The following PCDHA12 variants were observed in gnomAD, a reference collection of about 807,000 sequenced individuals.
PCDHA12 encodes the protein protocadherin alpha-12.
In PCDHA12, 44 loss-of-function variants were observed where a neutral mutation model predicts 60.0. The observed-to-expected ratio is 0.73, with a 90% CI of 0.58 to 0.94. PCDHA12 has a LOEUF of 0.94. PCDHA12 is among the 40% of genes least tolerant of loss of function. The pLI, the probability that PCDHA12 is intolerant of heterozygous loss-of-function variation, is 0.00. For missense variants in PCDHA12, 1,276 were observed against 1,239.7 expected (o/e 1.03, Z -0.44); for synonymous variants, 569 against 553.0 (o/e 1.03, Z -0.40).
rs17844361 is a variant in PCDHA12, at chr5:140,927,747, C to T, written c.2367+49908C>T. ...AAGCAGAGCTGCGACACCGCTTTCA[C>T]GTGCACCCTAAAAGTGGGGAGGTGC... On this transcript the variant is annotated intron_variant, in intron 1 of 3. Coordinates refer to ENST00000398631, the MANE Select transcript of PCDHA12 (RefSeq NM_018903.4). 465 of 1,614,224 alleles carry T rather than the reference C, an allele frequency of 2.9e-4. No homozygotes were observed. In the East Asian group the frequency reaches 8.6e-3, roughly 30 times the overall value.
At chr5:140,937,228 G>A (rs920892612) in intron 1 of PCDHA12, among the ~76,000 whole-genome samples, 1 of 151,718 alleles carries the variant, frequency 6.6e-6, no homozygotes, top group Admixed American at 6.6e-5. Context: ...TTGTAGAGAC[G>A]GGGTTTCACC....
In PCDHA12 at chr5:140,966,814, C is replaced by G. The variant is rs782787958; in HGVS notation, c.2368-12135C>G. 4.5e-6 allele frequency: 7 copies of G among 1,552,328 alleles called. No individual in the cohort carries two copies. The East Asian group carries it at 1.2e-4, about 27-fold the overall frequency. On this transcript the variant is annotated intron_variant, in intron 1 of 3. Coordinates refer to ENST00000398631, the MANE Select transcript of PCDHA12 (RefSeq NM_018903.4). The stretch of plus-strand genomic sequence containing the variant: ...CTGCGGCGACAGAGCATCCACGGCT[C>G]CGGCGGCCCATGCCCTGGCTGCTGC...
chr5:140,924,766 G>A (rs543178519), intron 1 of PCDHA12, among the ~76,000 whole-genome samples: 1 of 151,878 alleles, frequency 6.6e-6, no homozygotes, highest in East Asian at 1.9e-4. Context: ...ATGGTGGTGC[G>A]CGCTTGTAGT....
At chr5:140,995,946 C>A (rs2097705145) in intron 3 of PCDHA12, among the ~76,000 whole-genome samples, 1 of 152,192 alleles carries the variant, frequency 6.6e-6, no homozygotes, top group South Asian at 2.1e-4. Flanking sequence ...TGACATAATG[C>A]ACGCAAAATG....
rs1554262229 is a variant in PCDHA12, at chr5:141,009,613, G to A, written c.2516-14G>A. ...GTTGACCCTGTTAATGATTTGTAATGTTTTGTCTTTCAGAACCAGAGGCAG... is the reference window on the plus strand; with the variant it reads ...GTTGACCCTGTTAATGATTTGTAATATTTTGTCTTTCAGAACCAGAGGCAG... On this transcript the variant is annotated splice_polypyrimidine_tract_variant and intron_variant, in intron 3 of 3. Coordinates refer to ENST00000398631, the MANE Select transcript of PCDHA12 (RefSeq NM_018903.4). The A allele has an allele frequency of 6.2e-7, 1 of 1,611,932 alleles. No individual in the cohort carries two copies. Among genetic ancestry groups the A allele is most frequent in the Non-Finnish European group, 8.5e-7 (1 of 1,178,618 alleles).
At chr5:140,926,788 G>A in intron 1 of PCDHA12, 26 of 1,427,398 alleles carry the variant, frequency 1.8e-5, no homozygotes, top group Non-Finnish European at 2.4e-5. Flanking sequence ...ACGGCCGGCA[G>A]GAGCGTGCTC....
chr5:140,961,638 A>G (rs1428621389), intron 1 of PCDHA12, among the ~76,000 whole-genome samples: 1 of 152,200 alleles, frequency 6.6e-6, no homozygotes, highest in Non-Finnish European at 1.5e-5. Flanking sequence ...AACAATCTTA[A>G]GTCTATGTGG....
intron 1 of PCDHA12, chr5:140,883,099 A>C: frequency 6.2e-7 from 1 of 1,614,150 alleles, no homozygotes. Flanking sequence ...ATGGAGATAT[A>C]GTTTACTCAT....
chr5:140,929,589 G>T lies in PCDHA12; in HGVS notation c.2368-49360G>T, dbSNP rs183312863. 667 of 427,178 alleles carry T rather than the reference G, an allele frequency of 1.6e-3. 2 individuals are homozygous for T. The highest frequency in any genetic ancestry group is 3.3e-3 in the Admixed American group (76 of 23,230). The allele number at this position is 427,178 out of a possible 1,614,324, so 26.5% of individuals were successfully genotyped here. A position where few individuals can be genotyped will look rare whatever the true frequency, so the allele number is the denominator to read the frequency against. On this transcript the variant is annotated intron_variant, in intron 1 of 3. Coordinates refer to ENST00000398631, the MANE Select transcript of PCDHA12 (RefSeq NM_018903.4). ...AACAATAAAAGTAATATGACATAAA[G>T]GTCTAAAATTAAAAATAAAATACCA...
intron 1 of PCDHA12, chr5:140,966,646 G>T (rs2096032297): frequency 4.4e-6 from 5 of 1,139,570 alleles, no homozygotes; most frequent in Non-Finnish European, 4.6e-6. Flanking sequence ...TTTCTAGAGC[G>T]TGAGCGGTGG....
chr5:140,896,635 C>T (rs539969970), intron 1 of PCDHA12, among the ~76,000 whole-genome samples: 4 of 152,178 alleles, frequency 2.6e-5, no homozygotes, highest in South Asian at 4.1e-4. Context: ...CCTTGGCCTC[C>T]CAAAGTGCTA....
At chr5:140,970,247 C>T (rs551216649) in intron 1 of PCDHA12, among the ~76,000 whole-genome samples, 1 of 152,290 alleles carries the variant, frequency 6.6e-6, no homozygotes, top group East Asian at 1.9e-4. Context: ...TTTCTGTTGA[C>T]AGTTTCTATG....
At chr5:140,976,316 C>T (rs1336395893) in intron 1 of PCDHA12, among the ~76,000 whole-genome samples, 17 of 152,002 alleles carry the variant, frequency 1.1e-4, no homozygotes, top group Admixed American at 1.0e-3. Context: ...TTTGGGAGGC[C>T]GAGGAGGGTG....
In PCDHA12 at chr5:140,945,883, GAA is replaced by G. The variant is rs2093856247; in HGVS notation, c.2368-33063_2368-33062del. On this transcript the variant is annotated intron_variant, in intron 1 of 3. Transcript: ENST00000398631. ...GACCTGAAATTGTAAAACTAACAAA[GAA>G]AACACAGTGGGAAAGATGAAAGATC... Among the ~76,000 whole-genome samples the G allele has an allele frequency of 2.6e-5, 4 of 152,104 alleles. No homozygotes were observed. The South Asian group carries it at 8.3e-4, about 32-fold the overall frequency.
Position 140,875,543 on chromosome 5 carries a change from G to A in PCDHA12, c.71G>A (p.Trp24Ter). The change falls in exon 1 of 4, where the codon TGG becomes TAG. Residue 24 changes from tryptophan to a stop codon, truncating the protein, a stop_gained. Transcript: ENST00000398631. LOFTEE classifies it high-confidence loss of function. The stretch of plus-strand genomic sequence containing the variant: ...CTCTCGCTTCTGCTCCTTGCAGCCT[G>A]GGAGGTGGGGAGCGGCCAGCTCCAC... ...LLLSLLLLAA[W>*]EVGSGQLHYS... is the part of the protein sequence containing the mutation. The A allele has an allele frequency of 6.2e-7, 1 of 1,614,164 alleles. No homozygotes were observed. Among genetic ancestry groups the A allele is most frequent in the Non-Finnish European group, 8.5e-7 (1 of 1,180,034 alleles).
At position 140,875,737 on chromosome 5, in the gene PCDHA12, C is replaced by G; in HGVS notation, c.265C>G (p.Arg89Gly). The G allele has an allele frequency of 2.5e-6, 4 of 1,614,224 alleles. No homozygotes were observed. The highest frequency in any genetic ancestry group is 3.4e-6 in the Non-Finnish European group (4 of 1,180,050). The stretch of plus-strand genomic sequence containing the variant: ...GAATGGCATTTTGTTTGTGAATTCT[C>G]GGATCGACCGCGAGAAGCTGTGCGG... ...LQNGILFVNS[R>G]IDREKLCGRS... Residue 89 changes from arginine to glycine, a missense_variant, in exon 1 of 4, where the codon CGG becomes GGG. Coordinates refer to ENST00000398631, the MANE Select transcript of PCDHA12 (RefSeq NM_018903.4).
At chr5:140,972,983 AGATTCTGTGCATTTGT>A (rs1169514447) in intron 1 of PCDHA12, among the ~76,000 whole-genome samples, 1 of 152,102 alleles carries the variant, frequency 6.6e-6, no homozygotes, top group Admixed American at 6.6e-5. Flanking sequence ...ATCTTAAGGT[AGATTCTGTGCATTTGT>A]GGTCGTGGTG....
chr5:140,888,494 T>C (rs1554183489), intron 1 of PCDHA12, among the ~76,000 whole-genome samples: 1 of 152,236 alleles, frequency 6.6e-6, no homozygotes, highest in Non-Finnish European at 1.5e-5. Context: ...GAAACTCTGC[T>C]TTAAAGAGTC....
At chr5:140,968,716 T>C (rs1554230993) in intron 1 of PCDHA12, 2 of 1,614,058 alleles carry the variant, frequency 1.2e-6, no homozygotes, top group Admixed American at 1.7e-5. Flanking sequence ...AGATGGGAGA[T>C]GAGAGTGGTA....
Sources: gnomAD v4.1 joint callset for allele counts (sites outside exome capture counted in the v4.1 genomes callset) on GRCh38, gnomAD v4.1.1 for gene constraint, MANE v1.5 for transcripts, NCBI Gene and HGNC (gene_info 2026-07-23, HGNC 2026-07-21) for gene names.